LPXN: variants seen among roughly 807,000 people sequenced by gnomAD.
LPXN encodes leupaxin.
In LPXN, 28 loss-of-function variants were observed where a neutral mutation model predicts 45.6. The ratio of observed to expected loss-of-function variants is 0.61; its 90% confidence interval spans 0.45 to 0.84. LPXN has a LOEUF of 0.84. Ranked by LOEUF, LPXN falls within the 40% of genes least tolerant of loss-of-function variation. The probability of loss-of-function intolerance (pLI) is 0.00; values close to 1 mark genes in which losing one functional copy is unlikely to be tolerated. For missense variants in LPXN, 459 were observed against 475.0 expected (o/e 0.97, Z 0.31); for synonymous variants, 166 against 169.9 (o/e 0.98, Z 0.18).
intron 7 of LPXN, among the ~76,000 whole-genome samples, chr11:58,535,718 G>T (rs1853531439): frequency 6.6e-6 from 1 of 152,158 alleles, no homozygotes; most frequent in Non-Finnish European, 1.5e-5. Context: ...TAGGAAAAGA[G>T]GAAGTCAAAT....
At chr11:58,564,903 G>A (rs1009793631) in intron 2 of LPXN, among the ~76,000 whole-genome samples, 3 of 152,164 alleles carry the variant, frequency 2.0e-5, no homozygotes, top group African/African-American at 4.8e-5. Flanking sequence ...GGGAAAGAAA[G>A]CAAATATCTG....
chr11:58,564,238 A>G, intron 2 of LPXN, 37 bp from the exon 3 acceptor site: 9 of 1,462,664 alleles, frequency 6.2e-6, no homozygotes, highest in Non-Finnish European at 8.6e-6. Context: ...AGCAAAGAAT[A>G]AATTTTTGTT....
upstream of LPXN, chr11:58,578,318 G>C (rs1854974414): frequency 9.4e-6 from 3 of 318,608 alleles, no homozygotes; most frequent in Non-Finnish European, 1.8e-5. Context: ...TCGTGACTCA[G>C]TTAGAACCTC....
At chr11:58,555,724 A>G (rs1311464921) in intron 3 of LPXN, among the ~76,000 whole-genome samples, 2 of 148,854 alleles carry the variant, frequency 1.3e-5, no homozygotes, top group Non-Finnish European at 3.0e-5. Context: ...CAAACCAGTT[A>G]GAAATAGCAA....
chr11:58,574,838 C>T (rs78249027), intron 1 of LPXN, among the ~76,000 whole-genome samples: 240 of 152,260 alleles, frequency 1.6e-3, no homozygotes, highest in African/African-American at 4.8e-3. Context: ...TGAAATCACA[C>T]GCCATTTTTT....
At chr11:58,553,185 A>G (rs1439387415) in intron 4 of LPXN, among the ~76,000 whole-genome samples, 1 of 152,038 alleles carries the variant, frequency 6.6e-6, no homozygotes, top group Non-Finnish European at 1.5e-5. Context: ...AAAATACAAA[A>G]ATTAGCTGGG....
chr11:58,565,710 C>G (rs1366370875), intron 2 of LPXN, among the ~76,000 whole-genome samples: 1 of 151,960 alleles, frequency 6.6e-6, no homozygotes, highest in Non-Finnish European at 1.5e-5. Flanking sequence ...TGGCCAGGCA[C>G]AGTGGCTAAC....
chr11:58,538,027 G>T (rs1190424792), intron 7 of LPXN, among the ~76,000 whole-genome samples: 1 of 149,662 alleles, frequency 6.7e-6, no homozygotes, highest in East Asian at 2.0e-4. Flanking sequence ...GTGGCGTTTG[G>T]TTTTTTGTCC....
chr11:58,571,392 T>G (rs1176297103), intron 1 of LPXN, among the ~76,000 whole-genome samples: 2 of 151,214 alleles, frequency 1.3e-5, no homozygotes, highest in African/African-American at 4.9e-5. Flanking sequence ...TCCTAAATGC[T>G]TTTTTCTATC....
In LPXN at chr11:58,527,631, G is replaced by A; in HGVS notation, c.984C>T (p.Leu328=). 1 of 1,614,208 alleles carries A rather than the reference G, an allele frequency of 6.2e-7. No homozygotes were observed. The highest frequency in any genetic ancestry group is 1.1e-5 in the South Asian group (1 of 91,086). ...TGATGGGCTGCCCACACCCATGGCA[G>A]AGCGTTCCCCGGCGGTGATGGTAAT... is the stretch of plus-strand genomic sequence containing the variant. ...ELHYHHRRGT[L]CHGCGQPITG... Residue 328 remains leucine (L), a synonymous_variant, in exon 9 of 9, where the codon CTC becomes CTT. Coordinates refer to ENST00000395074, the MANE Select transcript of LPXN (RefSeq NM_004811.3).
chr11:58,577,106 T>G (rs1854915256), upstream of LPXN, among the ~76,000 whole-genome samples: 1 of 152,300 alleles, frequency 6.6e-6, no homozygotes, highest in South Asian at 2.1e-4. Context: ...GTGGCTTTTT[T>G]TTTTTAGGGA....
In LPXN at chr11:58,564,148, A is replaced by C. The variant is rs1189859562; in HGVS notation, c.218+7T>G. 1 of 1,568,154 alleles carries C rather than the reference A, an allele frequency of 6.4e-7. No homozygotes were observed. The highest frequency in any genetic ancestry group is 8.7e-7 in the Non-Finnish European group (1 of 1,149,690). On this transcript the variant is annotated splice_region_variant and intron_variant, in intron 3 of 8. Transcript: ENST00000395074. Reference sequence around the variant, plus strand: ...TTTTTAAAAGCATTTAATAGAAAAAAAAATACCTGTAGACATTGAGCTCCT... The same window carrying C: ...TTTTTAAAAGCATTTAATAGAAAAACAAATACCTGTAGACATTGAGCTCCT...
intron 4 of LPXN, among the ~76,000 whole-genome samples, chr11:58,554,314 AAAACAAAC>A (rs574221400): frequency 2.6e-5 from 4 of 152,006 alleles, no homozygotes; most frequent in Admixed American, 1.3e-4. Context: ...CTCCATCTCA[AAAACAAAC>A]AAACAAACAA....
intron 2 of LPXN, among the ~76,000 whole-genome samples, chr11:58,564,481 G>C (rs558500157): frequency 2.0e-5 from 3 of 152,246 alleles, no homozygotes; most frequent in African/African-American, 7.2e-5. Flanking sequence ...CCTTAGATAA[G>C]AACCATAAAT....
chr11:58,540,422 T>A (rs749246695), intron 7 of LPXN, among the ~76,000 whole-genome samples: 1 of 152,158 alleles, frequency 6.6e-6, no homozygotes, highest in Non-Finnish European at 1.5e-5. Flanking sequence ...TAAATGATAA[T>A]AAGAAATTCT....
At chr11:58,528,693 T>C (rs1314024791) in intron 7 of LPXN, among the ~76,000 whole-genome samples, 2 of 152,210 alleles carry the variant, frequency 1.3e-5, no homozygotes, top group Non-Finnish European at 2.9e-5. Flanking sequence ...ATTATATCTC[T>C]AATATCTAAA....
In LPXN at chr11:58,561,741, T is replaced by C. The variant is rs1854384647; in HGVS notation, c.218+2414A>G. Among the ~76,000 whole-genome samples the C allele has an allele frequency of 3.3e-5, 5 of 152,236 alleles. No individual in the cohort carries two copies. In the South Asian group the frequency reaches 8.3e-4, roughly 25 times the overall value. ...CACAGTTGGGGCAAATTTGTGCTTA[T>C]TCAAAGAATTCCCACTGGTTTTTAA... is the stretch of plus-strand genomic sequence containing the variant. On this transcript the variant is annotated intron_variant, in intron 3 of 8. Transcript: ENST00000395074.
intron 7 of LPXN, among the ~76,000 whole-genome samples, chr11:58,544,438 T>C (rs1216209233): frequency 6.6e-6 from 1 of 152,178 alleles, no homozygotes; most frequent in Non-Finnish European, 1.5e-5. Context: ...TGAGCTTGCC[T>C]ATAGGTAGGC....
intron 8 of LPXN, 111 bp from the exon 9 acceptor site, chr11:58,527,834 A>C: frequency 8.3e-7 from 1 of 1,203,700 alleles, no homozygotes; most frequent in Non-Finnish European, 1.2e-6. Flanking sequence ...CAGCTACAGG[A>C]ATTTCCCTCA....
Sources: allele counts gnomAD v4.1 joint callset (sites outside exome capture counted in the v4.1 genomes callset), GRCh38; gene constraint gnomAD v4.1.1; transcripts MANE v1.5; gene names NCBI Gene and HGNC (gene_info 2026-07-23, HGNC 2026-07-21).